Variants in SPAG16 observed in about 807,000 individuals in gnomAD.
The protein encoded by SPAG16 is sperm associated antigen 16.
A neutral mutation model predicts 80.4 loss-of-function variants in SPAG16; 86 were observed. The observed-to-expected ratio is 1.07, with a 90% CI of 0.90 to 1.28. The LOEUF (loss-of-function observed/expected upper bound fraction) is 1.28. SPAG16 is among the 50% of genes most tolerant of loss of function. The pLI is 0.00. For missense variants in SPAG16, 870 were observed against 765.3 expected, an observed-to-expected ratio of 1.14 and a Z score of -1.61; for synonymous variants, 294 against 265.9, an observed-to-expected ratio of 1.11 and a Z score of -1.03.
At chr2:213,991,023 A>ACTT (rs2046253474) in intron 12 of SPAG16, among the ~76,000 whole-genome samples, 4 of 151,634 alleles carry the variant, frequency 2.6e-5, no homozygotes, top group Admixed American at 2.6e-4. Flanking sequence ...TTATTATTAT[A>ACTT]CTTTAAGTTC....
At chr2:214,242,342 G>T (rs781480209) in intron 15 of SPAG16, among the ~76,000 whole-genome samples, 1 of 152,116 alleles carries the variant, frequency 6.6e-6, no homozygotes, top group Non-Finnish European at 1.5e-5. Flanking sequence ...ACATGACACC[G>T]CAGAGATGGC....
intron 13 of SPAG16, among the ~76,000 whole-genome samples, chr2:214,089,293 T>TA (rs1044874051): frequency 1.3e-5 from 2 of 152,100 alleles, no homozygotes; most frequent in African/African-American, 4.8e-5. Context: ...TTTAGCAAAT[T>TA]AAAAATTGAT....
At chr2:213,394,762 A>C (rs535032698) in intron 9 of SPAG16, among the ~76,000 whole-genome samples, 1 of 152,328 alleles carries the variant, frequency 6.6e-6, no homozygotes, top group South Asian at 2.1e-4. Context: ...TGTTGTGTGG[A>C]TCAGTAGCTG....
intron 9 of SPAG16, among the ~76,000 whole-genome samples, chr2:213,397,385 T>G (rs2068094371): frequency 6.6e-6 from 1 of 152,190 alleles, no homozygotes; most frequent in Admixed American, 6.5e-5. Flanking sequence ...TTCTCATTGC[T>G]GCTTTCAGTT....
At chr2:213,822,411 C>T (rs1207246249) in intron 10 of SPAG16, among the ~76,000 whole-genome samples, 1 of 152,036 alleles carries the variant, frequency 6.6e-6, no homozygotes, top group Non-Finnish European at 1.5e-5. Context: ...GTTTGAGCTC[C>T]TTCTGTATTC....
At chr2:213,779,839 C>T (rs1415262302) in intron 10 of SPAG16, among the ~76,000 whole-genome samples, 2 of 152,030 alleles carry the variant, frequency 1.3e-5, no homozygotes, top group Admixed American at 1.3e-4. Context: ...TTATTTTATC[C>T]CAGTAAGGAA....
rs530947364 is a variant in SPAG16 at position 213,561,197 on chromosome 2, C to T, written c.1070+71107C>T. On this transcript the variant is annotated intron_variant, in intron 10 of 15. Transcript: ENST00000331683. ...TTAGCTTTTGTCCAGTTTCCTCCAT[C>T]TTCCCAAATTCTATCTGATATGCTA... is the stretch of plus-strand genomic sequence containing the variant. Among the ~76,000 whole-genome samples, 12 of 152,292 alleles carry T rather than the reference C, an allele frequency of 7.9e-5. No individual in the cohort carries two copies. The South Asian group carries it at 2.3e-3, about 29-fold the overall frequency.
intron 10 of SPAG16, among the ~76,000 whole-genome samples, chr2:213,534,586 C>T (rs190527731): frequency 7.9e-5 from 12 of 152,158 alleles, no homozygotes; most frequent in East Asian, 3.9e-4. Context: ...CACAAAAACA[C>T]AGACGAATCC....
intron 15 of SPAG16, among the ~76,000 whole-genome samples, chr2:214,214,915 T>C (rs186218316): frequency 2.4e-3 from 357 of 151,394 alleles, no homozygotes; most frequent in Admixed American, 4.4e-3. Context: ...ACCTGTGCAG[T>C]TGAGGGTCAC....
intron 13 of SPAG16, among the ~76,000 whole-genome samples, chr2:214,026,642 C>A (rs976428920): frequency 5.9e-5 from 9 of 151,318 alleles, no homozygotes; most frequent in African/African-American, 1.7e-4. Flanking sequence ...GTTATTCTAA[C>A]CTTTATATCT....
chr2:213,922,772 T>C (rs1246218271), intron 11 of SPAG16, among the ~76,000 whole-genome samples: 1 of 152,176 alleles, frequency 6.6e-6, no homozygotes, highest in Non-Finnish European at 1.5e-5. Flanking sequence ...TGACTGGCTT[T>C]GATTCTAGTA....
At chr2:213,625,811 C>T (rs1008509864) in intron 10 of SPAG16, among the ~76,000 whole-genome samples, 18 of 152,070 alleles carry the variant, frequency 1.2e-4, no homozygotes, top group Admixed American at 4.6e-4. Flanking sequence ...CCTCAGCCTC[C>T]GGAGTAGCTG....
intron 9 of SPAG16, among the ~76,000 whole-genome samples, chr2:213,453,857 G>A (rs933928081): frequency 6.6e-6 from 1 of 152,184 alleles, no homozygotes; most frequent in Non-Finnish European, 1.5e-5. Context: ...ATTTTTTTAT[G>A]TTGTTGGCTG....
intron 15 of SPAG16, among the ~76,000 whole-genome samples, chr2:214,386,971 A>G (rs1333938344): frequency 6.6e-6 from 1 of 150,678 alleles, no homozygotes; most frequent in Admixed American, 6.6e-5. Flanking sequence ...ATACAGGCAC[A>G]CTGCACTCCA....
At chr2:214,282,899 G>T (rs1693061727) in intron 15 of SPAG16, among the ~76,000 whole-genome samples, 2 of 152,040 alleles carry the variant, frequency 1.3e-5, no homozygotes, top group South Asian at 4.1e-4. Context: ...TTCTAAATAG[G>T]TGGAAGAAGC....
intron 10 of SPAG16, among the ~76,000 whole-genome samples, chr2:213,574,038 A>G (rs573291753): frequency 6.6e-6 from 1 of 152,296 alleles, no homozygotes; most frequent in African/African-American, 2.4e-5. Context: ...GCTAGTACCC[A>G]GACTATAATT....
intron 10 of SPAG16, among the ~76,000 whole-genome samples, chr2:213,500,364 A>G (rs1210102377): frequency 5.9e-5 from 9 of 152,188 alleles, no homozygotes; most frequent in African/African-American, 4.8e-5. Context: ...TTTCAATAAG[A>G]CCACCAATAG....
chr2:213,425,932 C>G lies in SPAG16; in HGVS notation c.942+50813C>G, dbSNP rs1055209870. ...TGGGCCAGGAAACATACAGGTTGAG[C>G]CTGGAGCATGTTGTAGTGCCAGGAA... On this transcript the variant is annotated intron_variant, in intron 9 of 15. Transcript: ENST00000331683. 5.9e-5 allele frequency among the ~76,000 whole-genome samples: 9 copies of G among 152,058 alleles called. 1 individual carries two copies. Among genetic ancestry groups the G allele is most frequent in the Non-Finnish European group, 1.2e-4 (8 of 68,012 alleles).
At chr2:214,191,727 G>GAAAAAA (rs367694225) in intron 15 of SPAG16, among the ~76,000 whole-genome samples, 1 of 115,818 alleles carries the variant, frequency 8.6e-6, no homozygotes, top group Non-Finnish European at 1.8e-5. Context: ...AAAAAAAAAA[G>GAAAAAA]AAAAAAAAAA....
Sources: gnomAD v4.1 joint callset for allele counts (sites outside exome capture counted in the v4.1 genomes callset) on GRCh38, gnomAD v4.1.1 for gene constraint, MANE v1.5 for transcripts, NCBI Gene and HGNC (gene_info 2026-07-23, HGNC 2026-07-21) for gene names.